Variants in CTNNBL1 observed in about 807,000 individuals in gnomAD.
CTNNBL1 encodes catenin beta like 1.
A neutral mutation model predicts 72.7 loss-of-function variants in CTNNBL1; 31 were observed. The ratio of observed to expected loss-of-function variants is 0.43; its 90% CI spans 0.32 to 0.58. The LOEUF is 0.58. Among genes scored for constraint, CTNNBL1 ranks in the 20% least tolerant of loss-of-function variants. The pLI is 0.08. For missense variants in CTNNBL1, 534 were observed against 725.1 expected (o/e 0.74, Z 3.03); for synonymous variants, 240 against 267.3 (o/e 0.90, Z 1.00).
chr20:37,757,838 G>A (rs937499022), intron 5 of CTNNBL1, among the ~76,000 whole-genome samples, 182 bp downstream of exon 5: 8 of 152,274 alleles, frequency 5.3e-5, no homozygotes, highest in African/African-American at 1.7e-4. Flanking sequence ...TTATGCTTTG[G>A]GACTGTGTCA....
intron 4 of CTNNBL1, among the ~76,000 whole-genome samples, chr20:37,746,862 G>A (rs1029130418): frequency 3.3e-5 from 5 of 152,180 alleles, no homozygotes; most frequent in African/African-American, 7.2e-5. Flanking sequence ...AGAATTCATC[G>A]TGATATATCT....
chr20:37,805,548 C>G (rs1484940157), intron 11 of CTNNBL1, among the ~76,000 whole-genome samples: 3 of 151,928 alleles, frequency 2.0e-5, no homozygotes, highest in African/African-American at 7.3e-5. Context: ...AGGCGCCCAC[C>G]ACCACACCCA....
intron 11 of CTNNBL1, among the ~76,000 whole-genome samples, chr20:37,805,309 T>C (rs1295053368): frequency 6.6e-6 from 1 of 152,196 alleles, no homozygotes; most frequent in Non-Finnish European, 1.5e-5. Context: ...GCTTCCAGCA[T>C]GCTCTTCCCT....
chr20:37,807,182 G>A (rs901309586), intron 11 of CTNNBL1, among the ~76,000 whole-genome samples: 4 of 152,150 alleles, frequency 2.6e-5, no homozygotes, highest in African/African-American at 4.8e-5. Flanking sequence ...TCCCTGGGCC[G>A]CACTTGTCCT....
At chr20:37,861,672 G>A (rs765901930) in intron 15 of CTNNBL1, among the ~76,000 whole-genome samples, 42 of 152,206 alleles carry the variant, frequency 2.8e-4, no homozygotes, top group Non-Finnish European at 5.9e-5. Context: ...GGTTAAGAGC[G>A]TGGGCTCTAG....
chr20:37,797,611 C>T (rs1037904190), intron 10 of CTNNBL1, among the ~76,000 whole-genome samples: 24 of 152,116 alleles, frequency 1.6e-4, no homozygotes, highest in Admixed American at 5.2e-4. Flanking sequence ...GACATCACGC[C>T]GTGTTCCACA....
chr20:37,752,252 AT>A (rs2073325867), intron 4 of CTNNBL1, among the ~76,000 whole-genome samples: 1 of 151,744 alleles, frequency 6.6e-6, no homozygotes, highest in East Asian at 1.9e-4. Flanking sequence ...GAATGAGTAC[AT>A]TTTCTCCTTC....
chr20:37,851,018 A>G (rs569317910), intron 13 of CTNNBL1, among the ~76,000 whole-genome samples: 2 of 152,346 alleles, frequency 1.3e-5, no homozygotes, highest in African/African-American at 4.8e-5. Context: ...ATGTGCAAAG[A>G]TGGTGATTTA....
chr20:37,836,527 G>A (rs1230549669), intron 11 of CTNNBL1, among the ~76,000 whole-genome samples: 2 of 152,068 alleles, frequency 1.3e-5, no homozygotes, highest in Non-Finnish European at 2.9e-5. Context: ...TTCAGTTGTT[G>A]GTTATGTCCA....
intron 4 of CTNNBL1, among the ~76,000 whole-genome samples, chr20:37,754,225 G>C (rs1440407626): frequency 6.6e-6 from 1 of 151,348 alleles, no homozygotes; most frequent in Non-Finnish European, 1.5e-5. Flanking sequence ...TTGCATTATT[G>C]CATGCTGATT....
chr20:37,842,301 TTTCC>T, intron 12 of CTNNBL1, 34 bp from the exon 13 acceptor site: 1 of 1,449,144 alleles, frequency 6.9e-7, no homozygotes, highest in Non-Finnish European at 9.7e-7. Context: ...GTGCGTTGTC[TTTCC>T]TTCTCACTCA....
intron 4 of CTNNBL1, among the ~76,000 whole-genome samples, chr20:37,756,859 C>G (rs1444487660): frequency 6.6e-6 from 1 of 151,614 alleles, no homozygotes. Context: ...GTTGCCCAGG[C>G]TGGTTTCAAA....
intron 1 of CTNNBL1, 45 bp from the exon 2 acceptor site, chr20:37,732,834 C>T (rs376465983): frequency 3.6e-5 from 57 of 1,581,106 alleles, no homozygotes; most frequent in African/African-American, 6.8e-5. Flanking sequence ...CGCCTGGCTT[C>T]TATGTTGTAT....
intron 2 of CTNNBL1, among the ~76,000 whole-genome samples, chr20:37,736,267 G>A (rs1432245322): frequency 6.6e-6 from 1 of 152,094 alleles, no homozygotes; most frequent in South Asian, 2.1e-4. Context: ...ATTAACAACC[G>A]TTCTTAGTTT....
intron 13 of CTNNBL1, among the ~76,000 whole-genome samples, chr20:37,857,264 A>C (rs564729408): frequency 6.6e-6 from 1 of 152,330 alleles, no homozygotes; most frequent in East Asian, 1.9e-4. Context: ...CATTAATGCT[A>C]TTACCAGATT....
chr20:37,856,111 C>T (rs1339016989), intron 13 of CTNNBL1, among the ~76,000 whole-genome samples: 1 of 151,484 alleles, frequency 6.6e-6, no homozygotes, highest in Non-Finnish European at 1.5e-5. Flanking sequence ...GTGGCAGGCA[C>T]CTGTAATCTC....
intron 1 of CTNNBL1, among the ~76,000 whole-genome samples, chr20:37,714,003 C>G (rs935382194): frequency 2.0e-5 from 3 of 151,886 alleles, no homozygotes; most frequent in Non-Finnish European, 4.4e-5. Context: ...GTAACTTGCC[C>G]AAAGATACCC....
At chr20:37,858,832 G>GTA in intron 13 of CTNNBL1, among the ~76,000 whole-genome samples, 1 of 152,112 alleles carries the variant, frequency 6.6e-6, no homozygotes, top group Non-Finnish European at 1.5e-5. Context: ...GACTTAATTA[G>GTA]GGCTTTGGCC....
intron 1 of CTNNBL1, among the ~76,000 whole-genome samples, chr20:37,706,852 A>G (rs569603095): frequency 1.3e-5 from 2 of 152,380 alleles, no homozygotes; most frequent in African/African-American, 2.4e-5. Flanking sequence ...ATTAAAGAAT[A>G]ATACTTGAAA....
Sources: gnomAD v4.1 joint callset for allele counts (sites outside exome capture counted in the v4.1 genomes callset) on GRCh38, gnomAD v4.1.1 for gene constraint, MANE v1.5 for transcripts, NCBI Gene and HGNC (gene_info 2026-07-23, HGNC 2026-07-21) for gene names.